Variants in BCKDHB observed in about 807,000 individuals in gnomAD.
BCKDHB encodes the protein 2-oxoisovalerate dehydrogenase subunit beta, mitochondrial.
In BCKDHB, 41 loss-of-function variants were observed where a neutral mutation model predicts 48.5. The observed-to-expected ratio is 0.85, with a 90% CI of 0.66 to 1.10. The LOEUF (loss-of-function observed/expected upper bound fraction) is 1.10. Among genes scored for constraint, BCKDHB ranks in the 50% least tolerant of loss-of-function variants. The pLI is 0.00. For synonymous variants in BCKDHB, 201 were observed against 174.8 expected (o/e 1.15, Z -1.18); for missense variants, 496 against 494.2 (o/e 1.00, Z -0.03).
chr6:80,131,375 A>G (rs1300730801), intron 3 of BCKDHB, among the ~76,000 whole-genome samples: 1 of 152,174 alleles, frequency 6.6e-6, no homozygotes, highest in African/African-American at 2.4e-5. Flanking sequence ...TTAGTTACCT[A>G]AGCCAGACAC....
chr6:80,123,886 A>G (rs952301096), intron 1 of BCKDHB, among the ~76,000 whole-genome samples: 7 of 151,976 alleles, frequency 4.6e-5, no homozygotes, highest in African/African-American at 1.4e-4. Context: ...TTTTGTCTCT[A>G]TCTCTTTCAG....
In BCKDHB at chr6:80,343,792, G is replaced by A. The variant is rs1244858521; in HGVS notation, c.1167G>A (p.Met389Ile). 6.2e-7 allele frequency: 1 copy of A among 1,613,914 alleles called. No individual in the cohort carries two copies. The highest frequency in any genetic ancestry group is 1.1e-5 in the South Asian group (1 of 91,070). ...AGTGTTATGATGCCCTTCGAAAAAT[G>A]ATCAACTATTGACCATATAGGTAGG... Reference protein sequence around the residue: ...KWKCYDALRKMINY With the variant: ...KWKCYDALRKIINY The change falls in exon 10 of 10, where the codon ATG becomes ATA. Residue 389 changes from methionine to isoleucine, a missense_variant. Physicochemically the swap from Met to Ile is conservative, Grantham distance 10. Coordinates refer to ENST00000320393, the MANE Select transcript of BCKDHB (RefSeq NM_183050.4).
At chr6:80,246,444 C>T (rs1776617719) in intron 8 of BCKDHB, among the ~76,000 whole-genome samples, 1 of 152,166 alleles carries the variant, frequency 6.6e-6, no homozygotes, top group African/African-American at 2.4e-5. Flanking sequence ...CATGGTTACT[C>T]CTTGCTGTTT....
At position 80,248,902 on chromosome 6, in the gene BCKDHB, A is replaced by ATGTGTGTGTG. The variant is rs3077568; in HGVS notation, c.952-24215_952-24206dup. 2.0e-4 allele frequency among the ~76,000 whole-genome samples: 29 copies of ATGTGTGTGTG among 146,790 alleles called. No homozygotes were observed. In the South Asian group the frequency reaches 6.4e-3, roughly 32 times the overall value. Reference sequence around the variant, plus strand: ...GTTGGAAGTTTGTGTGTGTGTGTGTATGTGTGTGTGTGTGTGTGTGTGTGT... The same window carrying ATGTGTGTGTG: ...GTTGGAAGTTTGTGTGTGTGTGTGTATGTGTGTGTGTGTGTGTGTGTGTGTGTGTGTGTGT... On this transcript the variant is annotated intron_variant, in intron 8 of 9. Coordinates refer to ENST00000320393, the MANE Select transcript of BCKDHB (RefSeq NM_183050.4).
chr6:80,197,932 GTTCA>G (rs770079986), intron 6 of BCKDHB, among the ~76,000 whole-genome samples: 1 of 130,702 alleles, frequency 7.7e-6, no homozygotes, highest in African/African-American at 2.9e-5. Flanking sequence ...CTATCCATCT[GTTCA>G]TCCATCCATC....
chr6:80,228,740 C>T (rs1023306765), intron 8 of BCKDHB, among the ~76,000 whole-genome samples: 2 of 152,108 alleles, frequency 1.3e-5, no homozygotes, highest in Non-Finnish European at 2.9e-5. Context: ...AAACCATACC[C>T]GAGCCACATG....
intron 8 of BCKDHB, among the ~76,000 whole-genome samples, chr6:80,234,839 A>ATG (rs1776082177): frequency 6.6e-6 from 1 of 151,788 alleles, no homozygotes; most frequent in Admixed American, 6.6e-5. Context: ...TTATATATAT[A>ATG]TATATTAGAC....
intron 3 of BCKDHB, among the ~76,000 whole-genome samples, chr6:80,138,443 G>A (rs916771159): frequency 1.3e-4 from 19 of 151,052 alleles, no homozygotes; most frequent in South Asian, 4.2e-4. Flanking sequence ...TTCCTCCCCC[G>A]TCCCCCAACC....
At chr6:80,379,465 A>G in the BCKDHB span, among the ~76,000 whole-genome samples, 1 of 152,010 alleles carries the variant, frequency 6.6e-6, no homozygotes, top group African/African-American at 2.4e-5. Flanking sequence ...TAAGAGCCAT[A>G]TATGACAACC....
chr6:80,277,595 T>G (rs554382263), intron 9 of BCKDHB, among the ~76,000 whole-genome samples: 1 of 152,082 alleles, frequency 6.6e-6, no homozygotes, highest in East Asian at 1.9e-4. Context: ...TTTCTCCTGC[T>G]TTGGATTCAG....
intron 3 of BCKDHB, among the ~76,000 whole-genome samples, chr6:80,131,817 A>G (rs901712599): frequency 2.6e-5 from 4 of 151,304 alleles, no homozygotes; most frequent in Non-Finnish European, 5.9e-5. Flanking sequence ...TAATTTTTGT[A>G]TTTTTAGTAG....
chr6:80,118,820 G>C (rs1221672613), intron 1 of BCKDHB, among the ~76,000 whole-genome samples: 1 of 151,918 alleles, frequency 6.6e-6, no homozygotes, highest in African/African-American at 2.4e-5. Flanking sequence ...CCATCTCAAG[G>C]CTCCACTTTC....
the BCKDHB span, among the ~76,000 whole-genome samples, chr6:80,374,812 C>G: frequency 6.6e-6 from 1 of 152,024 alleles, no homozygotes; most frequent in East Asian, 1.9e-4. Context: ...AGATTTAGAA[C>G]TTTTTTTTAG....
intron 8 of BCKDHB, among the ~76,000 whole-genome samples, chr6:80,266,137 C>G (rs1181179457): frequency 6.6e-6 from 1 of 152,070 alleles, no homozygotes; most frequent in African/African-American, 2.4e-5. Flanking sequence ...CAACAGTTTT[C>G]TAAAATTCTA....
intron 9 of BCKDHB, among the ~76,000 whole-genome samples, chr6:80,306,067 G>A (rs1184676170): frequency 1.3e-5 from 2 of 152,126 alleles, no homozygotes; most frequent in South Asian, 4.1e-4. Context: ...AAGATTAAGT[G>A]AATTAATACA....
At chr6:80,406,780 C>T in the BCKDHB span, among the ~76,000 whole-genome samples, 2 of 152,162 alleles carry the variant, frequency 1.3e-5, no homozygotes, top group African/African-American at 4.8e-5. Context: ...AGGTAGATTG[C>T]AAAAATTTTC....
intron 8 of BCKDHB, among the ~76,000 whole-genome samples, chr6:80,231,386 TATAAACAAAA>T (rs764235548): frequency 1.4e-4 from 21 of 152,290 alleles, no homozygotes; most frequent in East Asian, 9.6e-4. Context: ...TATAAACATT[TATAAACAAAA>T]ATAAACAAAA....
the BCKDHB span, among the ~76,000 whole-genome samples, chr6:80,359,719 T>C: frequency 6.6e-6 from 1 of 152,024 alleles, no homozygotes; most frequent in Admixed American, 6.6e-5. Flanking sequence ...CTCAGCCTCC[T>C]GAGTAGCTGG....
intron 1 of BCKDHB, among the ~76,000 whole-genome samples, chr6:80,110,970 CTAT>C (rs2127706019): frequency 6.6e-6 from 1 of 152,298 alleles, no homozygotes; most frequent in East Asian, 1.9e-4. Flanking sequence ...GTATTTTTGA[CTAT>C]TAGCAATTTC....
Sources: gnomAD v4.1 joint callset for allele counts (sites outside exome capture counted in the v4.1 genomes callset) on GRCh38, gnomAD v4.1.1 for gene constraint, MANE v1.5 for transcripts, NCBI Gene and HGNC (gene_info 2026-07-23, HGNC 2026-07-21) for gene names.